ANK2: variants seen among roughly 807,000 people sequenced by gnomAD.
ANK2 encodes the protein ankyrin-2.
Under a neutral mutation model 360.5 loss-of-function variants are expected in ANK2, and 83 were observed. The observed-to-expected ratio is 0.23, with a 90% CI of 0.19 to 0.28. The LOEUF (loss-of-function observed/expected upper bound fraction) is 0.28. Among genes scored for constraint, ANK2 ranks in the 10% least tolerant of loss-of-function variants. The pLI is 1.00. For synonymous variants in ANK2, 1,740 were observed against 1,759.5 expected (o/e 0.99, Z 0.28); for missense variants, 4,201 against 4,795.7 (o/e 0.88, Z 3.66).
intron 1 of ANK2, among the ~76,000 whole-genome samples, chr4:113,092,460 G>A (rs892118467): frequency 6.6e-6 from 1 of 151,072 alleles, no homozygotes; most frequent in African/African-American, 2.5e-5. Flanking sequence ...CCCCAGCTTT[G>A]ACCTATGGAA....
chr4:113,014,944 C>T (rs1372749478), intron 2 of ANK2, among the ~76,000 whole-genome samples: 5 of 150,372 alleles, frequency 3.3e-5, no homozygotes, highest in Non-Finnish European at 4.4e-5. Context: ...CTGCAAGCTC[C>T]GCCCGCCGGG....
intron 2 of ANK2, among the ~76,000 whole-genome samples, chr4:112,971,048 A>G (rs183894013): frequency 2.6e-5 from 4 of 152,342 alleles, no homozygotes; most frequent in East Asian, 3.9e-4. Flanking sequence ...TCATGATTAC[A>G]TAAAATATCT....
At chr4:113,102,637 A>G (rs1386674564) in intron 1 of ANK2, among the ~76,000 whole-genome samples, 1 of 152,150 alleles carries the variant, frequency 6.6e-6, no homozygotes, top group Non-Finnish European at 1.5e-5. Flanking sequence ...GCCAGAACTA[A>G]GAAAAGAAAA....
intron 14 of ANK2, among the ~76,000 whole-genome samples, chr4:113,269,771 A>G (rs1432217625): frequency 2.0e-5 from 3 of 152,196 alleles, no homozygotes; most frequent in African/African-American, 7.2e-5. Context: ...GTAAAATATG[A>G]GGGTTGGACT....
At chr4:113,143,843 A>G (rs2096733279) in intron 1 of ANK2, among the ~76,000 whole-genome samples, 1 of 152,156 alleles carries the variant, frequency 6.6e-6, no homozygotes, top group South Asian at 2.1e-4. Context: ...ACTACAGAAC[A>G]TGGTTCAAAT....
chr4:112,712,829 C>T, the ANK2 span, among the ~76,000 whole-genome samples: 1 of 152,094 alleles, frequency 6.6e-6, no homozygotes, highest in Admixed American at 6.6e-5. Context: ...TATGTATTGA[C>T]ATTATTAATT....
rs966345626 is a variant in ANK2, at chr4:112,961,732, G to A, written c.21+57218G>A. On this transcript the variant is annotated intron_variant, in intron 2 of 30. Transcript: ENST00000503271. Reference sequence around the variant, plus strand: ...GTTTTCTCTCCCTTTAAATTATTGTGTTGAAGATCTTCAGATGAAAATTGC... The same window carrying A: ...GTTTTCTCTCCCTTTAAATTATTGTATTGAAGATCTTCAGATGAAAATTGC... Among the ~76,000 whole-genome samples, 27 of 152,022 alleles carry A rather than the reference G, an allele frequency of 1.8e-4. 1 individual carries two copies. Among genetic ancestry groups the A allele is most frequent in the Admixed American group, 1.4e-3 (21 of 15,260 alleles).
chr4:112,900,078 T>C (rs982163893), intron 1 of ANK2, among the ~76,000 whole-genome samples: 1 of 152,176 alleles, frequency 6.6e-6, no homozygotes, highest in African/African-American at 2.4e-5. Flanking sequence ...ATAAGGTGTC[T>C]CATGTATCCA....
intron 1 of ANK2, among the ~76,000 whole-genome samples, chr4:113,168,968 A>G (rs2097850770): frequency 6.6e-6 from 1 of 152,206 alleles, no homozygotes; most frequent in African/African-American, 2.4e-5. Context: ...TTATACCTGT[A>G]CATCTCAGTG....
At chr4:113,163,764 C>CAAAAAAAAAACAAAAAAAAA (rs2097645454) in intron 1 of ANK2, among the ~76,000 whole-genome samples, 1 of 55,046 alleles carries the variant, frequency 1.8e-5, no homozygotes, top group African/African-American at 5.6e-5. Flanking sequence ...AACTTCGTCT[C>CAAAAAAAAAACAAAAAAAAA]AAAAAAAAAA....
Position 113,131,872 on chromosome 4 carries a change from G to A in ANK2, c.85-42544G>A, listed in dbSNP as rs2096059024. Among the ~76,000 whole-genome samples the A allele has an allele frequency of 2.6e-5, 4 of 152,198 alleles. No individual in the cohort carries two copies. The South Asian group carries it at 8.3e-4, about 32-fold the overall frequency. On this transcript the variant is annotated intron_variant, in intron 1 of 45. Transcript: ENST00000357077. ...CATGCATTTTCATAGAAGATTCAGG[G>A]ATAAAAACACATCCGGGCAAGATAT...
rs977873649 is a variant in ANK2 at position 113,372,713 on chromosome 4, T to C, written c.11611-377T>C. 43 of 960,040 alleles carry C rather than the reference T, an allele frequency of 4.5e-5. No homozygotes were observed. In the African/African-American group the frequency reaches 6.3e-4, roughly 14 times the overall value. The allele number at this position is 960,040 out of a possible 1,614,324, so 59.5% of individuals were successfully genotyped here. On this transcript the variant is annotated intron_variant, in intron 43 of 45. Coordinates refer to ENST00000357077, the MANE Select transcript of ANK2 (RefSeq NM_001148.6). The stretch of plus-strand genomic sequence containing the variant: ...AACCTGGATCAATGAAGGCTTGGCA[T>C]GTTCCTTAGGTAGTGCATGGCCATT...
chr4:112,925,081 A>G (rs1222813495), intron 2 of ANK2, among the ~76,000 whole-genome samples: 1 of 152,036 alleles, frequency 6.6e-6, no homozygotes, highest in Non-Finnish European at 1.5e-5. Flanking sequence ...CTCATGATCT[A>G]TCCGCCTCGG....
chr4:113,122,467 T>C (rs2095424125), intron 1 of ANK2, among the ~76,000 whole-genome samples: 1 of 152,138 alleles, frequency 6.6e-6, no homozygotes, highest in South Asian at 2.1e-4. Flanking sequence ...TCTACAAACA[T>C]GGGAAATCTG....
At chr4:113,228,546 T>A (rs1045254245) in intron 4 of ANK2, among the ~76,000 whole-genome samples, 2 of 152,232 alleles carry the variant, frequency 1.3e-5, no homozygotes, top group Non-Finnish European at 2.9e-5. Context: ...TATTAGTACA[T>A]GGTATATATA....
chr4:112,749,223 T>A, the ANK2 span, among the ~76,000 whole-genome samples: 1 of 152,198 alleles, frequency 6.6e-6, no homozygotes, highest in African/African-American at 2.4e-5. Flanking sequence ...TAAGTCATCT[T>A]TGATCAAGCA....
chr4:113,072,932 ACT>A (rs1312272812), intron 1 of ANK2, among the ~76,000 whole-genome samples: 3 of 125,816 alleles, frequency 2.4e-5, no homozygotes, highest in Non-Finnish European at 3.3e-5. Context: ...TTTCTTCTCG[ACT>A]CTGTCACAAG....
In ANK2 at chr4:113,357,992, C is replaced by A. The variant is rs1192149193; in HGVS notation, c.9374C>A (p.Ala3125Glu). 4 of 1,613,996 alleles carry A rather than the reference C, an allele frequency of 2.5e-6. No individual in the cohort carries two copies. The highest frequency in any genetic ancestry group is 1.7e-5 in the Admixed American group (1 of 60,008). ...ATTGATATGACCAAAAGGTCCTATG[C>A]AGATGAAAGTTTTCACTTTTTCCAA... The part of the protein sequence containing the change: ...GAIDMTKRSY[A>E]DESFHFFQIG... The change falls in exon 38 of 46, where the codon GCA becomes GAA. Residue 3125 changes from alanine to glutamate, a missense_variant. Coordinates refer to ENST00000357077, the MANE Select transcript of ANK2 (RefSeq NM_001148.6).
At chr4:113,059,972 A>T (rs1437260288) in intron 1 of ANK2, among the ~76,000 whole-genome samples, 1 of 152,136 alleles carries the variant, frequency 6.6e-6, no homozygotes, top group African/African-American at 2.4e-5. Context: ...GATCAAACTG[A>T]CACAGCAAAG....
Sources: allele counts gnomAD v4.1 joint callset (sites outside exome capture counted in the v4.1 genomes callset), GRCh38; gene constraint gnomAD v4.1.1; transcripts MANE v1.5; gene names NCBI Gene and HGNC (gene_info 2026-07-23, HGNC 2026-07-21).